KATNIP: variants seen among roughly 807,000 people sequenced by gnomAD.
KATNIP encodes katanin interacting protein, also known as katanin-interacting protein.
Under a neutral mutation model 174.0 loss-of-function variants are expected in KATNIP, and 126 were observed. The ratio of observed to expected loss-of-function variants is 0.72; its 90% CI spans 0.63 to 0.84. KATNIP has a LOEUF of 0.84. Among genes scored for constraint, KATNIP ranks in the 40% least tolerant of loss-of-function variants. The probability of loss-of-function intolerance (pLI) is 0.00; values close to 1 mark genes in which losing one functional copy is unlikely to be tolerated. For synonymous variants in KATNIP, 810 were observed against 835.7 expected, an observed-to-expected ratio of 0.97 and a Z score of 0.53; for missense variants, 1,958 against 2,109.7, an observed-to-expected ratio of 0.93 and a Z score of 1.41.
chr16:27,750,389 T>G, intron 16 of KATNIP, 83 bp downstream of exon 16: 3 of 1,341,288 alleles, frequency 2.2e-6, no homozygotes, highest in Non-Finnish European at 3.1e-6. Context: ...ACCAGCTGGC[T>G]AGCCAACAAC....
intron 11 of KATNIP, among the ~76,000 whole-genome samples, chr16:27,702,293 G>C (rs536144169): frequency 5.2e-4 from 79 of 152,186 alleles, no homozygotes; most frequent in Non-Finnish European, 3.5e-4. Flanking sequence ...TCTAGGGGGC[G>C]AGGTTGGCCC....
At chr16:27,695,432 G>A (rs1009318652) in intron 8 of KATNIP, among the ~76,000 whole-genome samples, 4 of 152,064 alleles carry the variant, frequency 2.6e-5, no homozygotes, top group African/African-American at 9.7e-5. Flanking sequence ...CACATCACAC[G>A]CCTCCCATCT....
intron 6 of KATNIP, among the ~76,000 whole-genome samples, chr16:27,676,076 A>G (rs909057846): frequency 6.6e-6 from 1 of 152,138 alleles, no homozygotes; most frequent in Non-Finnish European, 1.5e-5. Flanking sequence ...AAATCATCCA[A>G]ATTGCCAAGT....
Position 27,764,979 on chromosome 16 carries a change from A to AT in KATNIP, c.3810-1318dup, listed in dbSNP as rs796649066. On this transcript the variant is annotated intron_variant, in intron 19 of 27. Transcript: ENST00000261588. ...CTTGGGTAAACACTTCGATTATGAG[A>AT]TTTTTTTTTTTTCCAAATTCACAAC... is the stretch of plus-strand genomic sequence containing the variant. 6.0e-3 allele frequency among the ~76,000 whole-genome samples: 889 copies of AT among 148,586 alleles called. 8 individuals are homozygous for AT. Among genetic ancestry groups the AT allele is most frequent in the East Asian group, 0.036 (186 of 5,128 alleles).
At chr16:27,766,737 A>C (rs904799330) in intron 20 of KATNIP, among the ~76,000 whole-genome samples, 46 of 152,202 alleles carry the variant, frequency 3.0e-4, no homozygotes, top group Middle Eastern at 3.2e-3. Flanking sequence ...TCCAGGCCCC[A>C]GCTTGCCATG....
intron 1 of KATNIP, among the ~76,000 whole-genome samples, chr16:27,560,051 A>C (rs1359956642): frequency 6.6e-6 from 1 of 151,112 alleles, no homozygotes; most frequent in Non-Finnish European, 1.5e-5. Flanking sequence ...TGGGAGACTG[A>C]GGCGGGCAGA....
intron 5 of KATNIP, among the ~76,000 whole-genome samples, chr16:27,647,253 GA>G (rs2076983611): frequency 6.6e-6 from 1 of 152,150 alleles, no homozygotes; most frequent in African/African-American, 2.4e-5. Context: ...GAAAGTTTGG[GA>G]AATGTCCCAT....
intron 18 of KATNIP, among the ~76,000 whole-genome samples, chr16:27,758,109 G>A (rs901508633): frequency 7.2e-5 from 11 of 152,186 alleles, no homozygotes; most frequent in Admixed American, 6.5e-4. Context: ...AGATGGAATC[G>A]CAGTGCAGCT....
At chr16:27,580,024 G>C (rs1033713704) in intron 2 of KATNIP, among the ~76,000 whole-genome samples, 2 of 152,014 alleles carry the variant, frequency 1.3e-5, no homozygotes, top group Non-Finnish European at 2.9e-5. Context: ...AGGTTATCTC[G>C]ACAGCCCTCT....
At chr16:27,612,943 C>CA (rs1009160921) in intron 2 of KATNIP, among the ~76,000 whole-genome samples, 11 of 150,820 alleles carry the variant, frequency 7.3e-5, no homozygotes, top group South Asian at 2.1e-4. Flanking sequence ...GACCCTGTCT[C>CA]AAAAAAAATA....
At chr16:27,574,383 AG>A (rs1457300219) in intron 2 of KATNIP, 2 of 206,316 alleles carry the variant, frequency 9.7e-6, no homozygotes, top group Non-Finnish European at 2.0e-5. Flanking sequence ...AGGGTGCCTC[AG>A]TTCTCCTCCA....
chr16:27,692,204 G>A (rs1342063668), intron 8 of KATNIP, among the ~76,000 whole-genome samples: 4 of 152,174 alleles, frequency 2.6e-5, no homozygotes, highest in Non-Finnish European at 5.9e-5. Context: ...CACGTGTCAG[G>A]TGCTGGTGCA....
rs1597153542 is a variant in KATNIP, at chr16:27,680,522, G to A, written c.809-877G>A. Among the ~76,000 whole-genome samples the A allele has an allele frequency of 2.0e-5, 3 of 152,294 alleles. No individual in the cohort carries two copies. In the East Asian group the frequency reaches 5.8e-4, roughly 29 times the overall value. ...ATTTGAATTTCTTGACATTTTTCAT[G>A]TTTTGTTTTGTTGGTTTTTTCTGAG... On this transcript the variant is annotated intron_variant, in intron 7 of 27. Coordinates refer to ENST00000261588, the MANE Select transcript of KATNIP (RefSeq NM_015202.5).
chr16:27,566,870 A>G (rs1486729773), intron 1 of KATNIP, among the ~76,000 whole-genome samples: 1 of 152,180 alleles, frequency 6.6e-6, no homozygotes, highest in Non-Finnish European at 1.5e-5. Context: ...AGATCGTCAG[A>G]CAACCCATCT....
Position 27,698,395 on chromosome 16 carries a change from A to G in KATNIP, c.1008A>G (p.Pro336=). 1 of 1,613,722 alleles carries G rather than the reference A, an allele frequency of 6.2e-7. No homozygotes were observed. Among genetic ancestry groups the G allele is most frequent in the South Asian group, 1.1e-5 (1 of 90,930 alleles). Reference sequence around the variant, plus strand: ...AAACTCTTTGCGAGGCTGAGTACCCAGAGGAAGATGCCTCTGCTGTGCTCC... The same window carrying G: ...AAACTCTTTGCGAGGCTGAGTACCCGGAGGAAGATGCCTCTGCTGTGCTCC... ...TRKTLCEAEY[P]EEDASAVLQA... The change falls in exon 9 of 28, where the codon CCA becomes CCG. Residue 336 remains proline (P), a synonymous_variant. Transcript: ENST00000261588.
chr16:27,659,717 G>T (rs1368117401), intron 6 of KATNIP, among the ~76,000 whole-genome samples: 1 of 152,054 alleles, frequency 6.6e-6, no homozygotes, highest in Non-Finnish European at 1.5e-5. Context: ...TTCTGATTAG[G>T]TATGACTTGA....
In KATNIP at chr16:27,659,394, C is replaced by T. The variant is rs1328013362; in HGVS notation, c.540+10659C>T. On this transcript the variant is annotated intron_variant, in intron 6 of 27. Transcript: ENST00000261588. ...GCATGCTAATCTGCACCTCTAGTCC[C>T]AGCTGCTCGGGAGGCTGAGGTGGGA... 2.0e-5 allele frequency among the ~76,000 whole-genome samples: 3 copies of T among 151,872 alleles called. No homozygotes were observed. The East Asian group carries it at 5.8e-4, about 30-fold the overall frequency.
chr16:27,656,603 G>A (rs9930487), intron 6 of KATNIP, among the ~76,000 whole-genome samples: 5,439 of 150,952 alleles, frequency 0.036, 316 homozygotes, highest in African/African-American at 0.12. Context: ...GGAATACTAT[G>A]CAGCCATAAA....
intron 2 of KATNIP, among the ~76,000 whole-genome samples, chr16:27,602,447 G>C (rs888254809): frequency 3.3e-5 from 5 of 152,114 alleles, no homozygotes; most frequent in Non-Finnish European, 7.4e-5. Context: ...TTCCCCAGAT[G>C]TGCTGAGCCT....
Sources: allele counts gnomAD v4.1 joint callset (sites outside exome capture counted in the v4.1 genomes callset), GRCh38; gene constraint gnomAD v4.1.1; transcripts MANE v1.5; gene names NCBI Gene and HGNC (gene_info 2026-07-23, HGNC 2026-07-21).